LRRTM4: variants seen among roughly 807,000 people sequenced by gnomAD.
LRRTM4 encodes leucine rich repeat transmembrane neuronal 4.
In LRRTM4, 25 loss-of-function variants were observed where a neutral mutation model predicts 47.6. The observed-to-expected ratio is 0.53, with a 90% confidence interval of 0.38 to 0.73. LRRTM4 has a LOEUF of 0.73. LRRTM4 is among the 30% of genes least tolerant of loss of function. The pLI, the probability that LRRTM4 is intolerant of heterozygous loss-of-function variation, is 0.00. For synonymous variants in LRRTM4, 311 were observed against 269.5 expected (o/e 1.15, Z -1.51); for missense variants, 638 against 713.4 (o/e 0.89, Z 1.20).
intron 3 of LRRTM4, among the ~76,000 whole-genome samples, chr2:77,260,939 A>G (rs551411106): frequency 6.6e-6 from 1 of 152,118 alleles, no homozygotes; most frequent in African/African-American, 2.4e-5. Context: ...CTTCAAAATA[A>G]TAGTCTCCTA....
chr2:77,249,603 AAAC>A lies in LRRTM4; in HGVS notation c.1551+268712_1551+268714del, dbSNP rs1675548022. On this transcript the variant is annotated intron_variant, in intron 3 of 3. Coordinates refer to ENST00000409884, the MANE Select transcript of LRRTM4 (RefSeq NM_001134745.3). ...ATATGTCATAAGAAAATGGAAATTAAAACAACAAGAAGATACCACCACCTATCT... is the reference window on the plus strand; with the variant it reads ...ATATGTCATAAGAAAATGGAAATTAAAACAAGAAGATACCACCACCTATCT... 3.9e-5 allele frequency among the ~76,000 whole-genome samples: 6 copies of A among 152,336 alleles called. No individual in the cohort carries two copies. In the South Asian group the frequency reaches 1.2e-3, roughly 32 times the overall value.
chr2:77,386,727 A>T (rs1276847853), intron 3 of LRRTM4, among the ~76,000 whole-genome samples: 1 of 152,060 alleles, frequency 6.6e-6, no homozygotes, highest in Non-Finnish European at 1.5e-5. Context: ...CGTAAGTGGG[A>T]GTTGAACAGT....
intron 3 of LRRTM4, among the ~76,000 whole-genome samples, chr2:76,895,053 C>T (rs544150650): frequency 7.3e-5 from 11 of 151,546 alleles, no homozygotes; most frequent in East Asian, 5.9e-4. Context: ...GAAAATACTT[C>T]GGCAAACATT....
At chr2:77,152,423 G>T (rs1327575153) in intron 3 of LRRTM4, among the ~76,000 whole-genome samples, 1 of 152,018 alleles carries the variant, frequency 6.6e-6, no homozygotes, top group African/African-American at 2.4e-5. Flanking sequence ...CTGCCTCCTG[G>T]GTTCAAGCGA....
intron 3 of LRRTM4, among the ~76,000 whole-genome samples, chr2:76,756,392 A>G (rs1673031431): frequency 1.3e-5 from 2 of 152,142 alleles, no homozygotes; most frequent in Non-Finnish European, 2.9e-5. Context: ...TAAATTGTAT[A>G]AAACAGAGTT....
intron 3 of LRRTM4, among the ~76,000 whole-genome samples, chr2:77,057,339 A>G (rs1222319679): frequency 6.6e-6 from 1 of 152,204 alleles, no homozygotes; most frequent in African/African-American, 2.4e-5. Context: ...GGCTAACAGT[A>G]TAATAGGTAC....
intron 3 of LRRTM4, among the ~76,000 whole-genome samples, chr2:77,243,920 C>G (rs1189417263): frequency 7.4e-6 from 1 of 135,216 alleles, no homozygotes; most frequent in East Asian, 2.1e-4. Flanking sequence ...TCCCTCCCCG[C>G]TCCCCCCACC....
rs1048761383 is a variant in LRRTM4, at chr2:77,102,582, A to G, written c.1552-353666T>C. On this transcript the variant is annotated intron_variant, in intron 3 of 3. Coordinates refer to ENST00000409884, the MANE Select transcript of LRRTM4 (RefSeq NM_001134745.3). ...TTTTATAAAACTTTTTCAATTGATCAAAGATATATAATACCATCATAGGGC... is the reference window on the plus strand; with the variant it reads ...TTTTATAAAACTTTTTCAATTGATCGAAGATATATAATACCATCATAGGGC... Among the ~76,000 whole-genome samples the G allele has an allele frequency of 9.9e-5, 15 of 152,224 alleles. 1 individual carries two copies. Among genetic ancestry groups the G allele is most frequent in the African/African-American group, 2.9e-4 (12 of 41,460 alleles).
chr2:77,142,371 T>G (rs1177156151), intron 3 of LRRTM4, among the ~76,000 whole-genome samples: 1 of 151,850 alleles, frequency 6.6e-6, no homozygotes, highest in Non-Finnish European at 1.5e-5. Flanking sequence ...AGGACTAGAC[T>G]AGATCGAAAA....
intron 3 of LRRTM4, among the ~76,000 whole-genome samples, chr2:77,330,718 G>A (rs1670943305): frequency 6.6e-6 from 1 of 152,014 alleles, no homozygotes; most frequent in Non-Finnish European, 1.5e-5. Context: ...GGATGAATGG[G>A]TTGTTTTTGC....
At chr2:77,125,781 T>C (rs974240761) in intron 3 of LRRTM4, among the ~76,000 whole-genome samples, 2 of 151,980 alleles carry the variant, frequency 1.3e-5, no homozygotes, top group African/African-American at 2.4e-5. Context: ...TGAAAAACAG[T>C]TGTGCATCAT....
intron 3 of LRRTM4, among the ~76,000 whole-genome samples, chr2:77,252,116 A>C (rs2104016655): frequency 6.6e-6 from 1 of 152,308 alleles, no homozygotes; most frequent in Non-Finnish European, 1.5e-5. Flanking sequence ...ACTCAAGACA[A>C]TAGTTGGCAC....
chr2:77,303,113 AT>A (rs1677175346), intron 3 of LRRTM4, among the ~76,000 whole-genome samples: 1 of 151,992 alleles, frequency 6.6e-6, no homozygotes, highest in Non-Finnish European at 1.5e-5. Context: ...CACTCCCTCT[AT>A]AATATTCCCA....
At chr2:77,415,455 C>T (rs574234922) in intron 3 of LRRTM4, among the ~76,000 whole-genome samples, 4 of 152,010 alleles carry the variant, frequency 2.6e-5, no homozygotes, top group South Asian at 4.1e-4. Flanking sequence ...TTACTGAACT[C>T]GAAACTTATT....
At chr2:77,114,216 A>C (rs1671328245) in intron 3 of LRRTM4, among the ~76,000 whole-genome samples, 1 of 152,110 alleles carries the variant, frequency 6.6e-6, no homozygotes, top group South Asian at 2.1e-4. Flanking sequence ...AGTGATGGGA[A>C]CATAATTCCC....
At chr2:77,167,571 G>C (rs530526727) in intron 3 of LRRTM4, among the ~76,000 whole-genome samples, 1 of 152,292 alleles carries the variant, frequency 6.6e-6, no homozygotes, top group East Asian at 1.9e-4. Context: ...ATCAATGATA[G>C]ACTGGATTAA....
rs530014984 is a variant in LRRTM4 at position 77,368,780 on chromosome 2, A to T, written c.1551+149538T>A. Among the ~76,000 whole-genome samples the T allele has an allele frequency of 9.9e-5, 15 of 151,892 alleles. 1 individual carries two copies. In the East Asian group the frequency reaches 2.9e-3, roughly 29 times the overall value. ...AGGAAGATATCCACGTATCGGCTGT[A>T]GTGAATAATGCTGAAGTGAATGTAG... On this transcript the variant is annotated intron_variant, in intron 3 of 3. Coordinates refer to ENST00000409884, the MANE Select transcript of LRRTM4 (RefSeq NM_001134745.3).
intron 3 of LRRTM4, among the ~76,000 whole-genome samples, chr2:77,500,067 A>C (rs1486303490): frequency 6.6e-6 from 1 of 151,736 alleles, no homozygotes; most frequent in Admixed American, 6.6e-5. Context: ...AGACACTCTT[A>C]ATTGAGTATA....
intron 3 of LRRTM4, among the ~76,000 whole-genome samples, chr2:76,853,115 A>G (rs532995942): frequency 2.6e-5 from 4 of 152,096 alleles, no homozygotes; most frequent in Non-Finnish European, 5.9e-5. Flanking sequence ...ATTGGGAGAC[A>G]TATTTTTCAG....
Sources: gnomAD v4.1 joint callset for allele counts (sites outside exome capture counted in the v4.1 genomes callset) on GRCh38, gnomAD v4.1.1 for gene constraint, MANE v1.5 for transcripts, NCBI Gene and HGNC (gene_info 2026-07-23, HGNC 2026-07-21) for gene names.